LRRC49: variants seen among roughly 807,000 people sequenced by gnomAD.
LRRC49 encodes leucine rich repeat containing 49.
LRRC49 carries 50 observed loss-of-function variants against 83.3 expected under a neutral mutation model. That is an observed-to-expected ratio of 0.60 (90% CI 0.48 to 0.76). LRRC49 has a LOEUF of 0.76. Ranked by LOEUF, LRRC49 falls within the 30% of genes least tolerant of loss-of-function variation. The probability of loss-of-function intolerance (pLI) is 0.00; values close to 1 mark genes in which losing one functional copy is unlikely to be tolerated. For synonymous variants in LRRC49, 286 were observed against 283.3 expected, an observed-to-expected ratio of 1.01 and a Z score of -0.10; for missense variants, 704 against 809.1, an observed-to-expected ratio of 0.87 and a Z score of 1.58.
upstream of LRRC49, among the ~76,000 whole-genome samples, chr15:70,890,846 G>C (rs956900770): frequency 2.0e-5 from 3 of 152,188 alleles, no homozygotes; most frequent in African/African-American, 7.2e-5. Context: ...CAGCATGATG[G>C]TACACAGTGA....
At chr15:70,959,446 G>A (rs905603518) in intron 8 of LRRC49, among the ~76,000 whole-genome samples, 1 of 150,930 alleles carries the variant, frequency 6.6e-6, no homozygotes, top group African/African-American at 2.4e-5. Flanking sequence ...AGCCGAGATT[G>A]TGCCATTGCG....
chr15:70,966,174 A>G (rs758975270), intron 9 of LRRC49, among the ~76,000 whole-genome samples: 2 of 152,136 alleles, frequency 1.3e-5, no homozygotes, highest in Non-Finnish European at 2.9e-5. Context: ...ATTTTTGTGT[A>G]AATTACCATA....
At chr15:70,962,004 G>C (rs996702378) in intron 8 of LRRC49, among the ~76,000 whole-genome samples, 5 of 152,128 alleles carry the variant, frequency 3.3e-5, no homozygotes, top group Non-Finnish European at 7.4e-5. Context: ...GGGGGAAAAG[G>C]CACTGATCTA....
At chr15:70,911,403 AAT>A in intron 5 of LRRC49, 127 bp from the exon 6 acceptor site, 16 of 434,306 alleles carry the variant, frequency 3.7e-5, no homozygotes, top group South Asian at 1.2e-4. Context: ...ATTATTGTTG[AAT>A]ATATATATAA....
upstream of LRRC49, chr15:70,892,637 T>C (rs2033630515): frequency 3.5e-6 from 5 of 1,447,550 alleles, no homozygotes; most frequent in Non-Finnish European, 4.5e-6. Flanking sequence ...CTCCTCCCAA[T>C]ACTCCCGCTC....
At chr15:70,936,953 C>T in intron 8 of LRRC49, 131 bp downstream of exon 8, 1 of 620,896 alleles carries the variant, frequency 1.6e-6, no homozygotes, top group Non-Finnish European at 2.8e-6. Context: ...AATGATAAGA[C>T]AAAGTTCTTT....
intron 8 of LRRC49, among the ~76,000 whole-genome samples, chr15:70,950,801 G>C (rs1192912570): frequency 6.6e-6 from 1 of 152,056 alleles, no homozygotes; most frequent in Non-Finnish European, 1.5e-5. Flanking sequence ...TTGTTGCATT[G>C]TTTTTGAAGA....
intron 8 of LRRC49, among the ~76,000 whole-genome samples, chr15:70,949,716 C>A (rs929794848): frequency 1.3e-5 from 2 of 152,194 alleles, no homozygotes; most frequent in Non-Finnish European, 2.9e-5. Flanking sequence ...CACATCACTT[C>A]ATTTGTGTGA....
intron 9 of LRRC49, among the ~76,000 whole-genome samples, chr15:70,973,524 C>T (rs772300324): frequency 1.2e-4 from 18 of 152,152 alleles, no homozygotes; most frequent in African/African-American, 1.9e-4. Flanking sequence ...CTGGGAGATC[C>T]GCTGCTCTCT....
intron 15 of LRRC49, among the ~76,000 whole-genome samples, chr15:71,042,207 C>T (rs754351585): frequency 6.6e-6 from 1 of 152,104 alleles, no homozygotes. Context: ...CAGTCTGTCC[C>T]TGAGCTCCTG....
At chr15:70,947,292 T>C (rs2036042865) in intron 8 of LRRC49, among the ~76,000 whole-genome samples, 1 of 152,182 alleles carries the variant, frequency 6.6e-6, no homozygotes, top group Non-Finnish European at 1.5e-5. Flanking sequence ...TAAAATACCT[T>C]CTCCATCTCT....
At chr15:71,004,014 T>C (rs775552452) in intron 11 of LRRC49, among the ~76,000 whole-genome samples, 1 of 152,226 alleles carries the variant, frequency 6.6e-6, no homozygotes, top group Non-Finnish European at 1.5e-5. Context: ...GCATATCTTA[T>C]TCATCTTTGT....
At chr15:70,890,418 T>A (rs1171592291), upstream of LRRC49, among the ~76,000 whole-genome samples, 1 of 152,220 alleles carries the variant, frequency 6.6e-6, no homozygotes, top group Non-Finnish European at 1.5e-5. Context: ...AATTTGTTCT[T>A]ATAGTCATGT....
chr15:71,042,023 C>G (rs1394363743), intron 15 of LRRC49, among the ~76,000 whole-genome samples: 2 of 152,026 alleles, frequency 1.3e-5, no homozygotes, highest in African/African-American at 4.8e-5. Context: ...GTATTAAAAG[C>G]AAAAGTTTCA....
intron 9 of LRRC49, among the ~76,000 whole-genome samples, chr15:70,965,049 C>T (rs543973583): frequency 6.6e-6 from 1 of 152,196 alleles, no homozygotes; most frequent in South Asian, 2.1e-4. Context: ...GTTCTTTGTC[C>T]TCTTAGTTAA....
intron 7 of LRRC49, among the ~76,000 whole-genome samples, chr15:70,933,113 G>C (rs1317337049): frequency 2.6e-5 from 4 of 152,006 alleles, no homozygotes; most frequent in East Asian, 3.9e-4. Flanking sequence ...AAACAAATCA[G>C]TATTTTTTTG....
chr15:70,996,162 A>G (rs1393688729), intron 11 of LRRC49, among the ~76,000 whole-genome samples: 1 of 152,130 alleles, frequency 6.6e-6, no homozygotes, highest in Non-Finnish European at 1.5e-5. Context: ...TTTATATATG[A>G]AGGTAGAAAA....
At chr15:70,913,186 T>C (rs1055645384) in intron 6 of LRRC49, among the ~76,000 whole-genome samples, 4 of 152,262 alleles carry the variant, frequency 2.6e-5, no homozygotes, top group African/African-American at 9.6e-5. Flanking sequence ...TCCCTGCCTG[T>C]TGATGAACAA....
chr15:70,859,438 A>G, intron 1 of LRRC49: 1 of 728,628 alleles, frequency 1.4e-6, no homozygotes, highest in Non-Finnish European at 2.6e-6. Context: ...TCTCGGACAT[A>G]TCTGTGGTGC....
Sources: gnomAD v4.1 joint callset for allele counts (sites outside exome capture counted in the v4.1 genomes callset) on GRCh38, gnomAD v4.1.1 for gene constraint, MANE v1.5 for transcripts, NCBI Gene and HGNC (gene_info 2026-07-23, HGNC 2026-07-21) for gene names.